PKHD1: variants seen among roughly 807,000 people sequenced by gnomAD.
PKHD1 encodes PKHD1 ciliary IPT domain containing fibrocystin/polyductin, also known as fibrocystin.
In PKHD1, 291 loss-of-function variants were observed where a neutral mutation model predicts 412.0. That is an observed-to-expected ratio of 0.71 (90% CI 0.64 to 0.78). The LOEUF is 0.78. Ranked by LOEUF, PKHD1 falls within the 30% of genes least tolerant of loss-of-function variation. The pLI is 0.00. For missense variants in PKHD1, 4,825 were observed against 4,950.7 expected, an observed-to-expected ratio of 0.97 and a Z score of 0.76; for synonymous variants, 1,777 against 1,821.5, an observed-to-expected ratio of 0.98 and a Z score of 0.62.
chr6:51,997,151 A>C (rs1797811024), intron 35 of PKHD1, among the ~76,000 whole-genome samples: 1 of 152,218 alleles, frequency 6.6e-6, no homozygotes, highest in Admixed American at 6.5e-5. Flanking sequence ...TGTGATACGA[A>C]TAGGAAAGCA....
At chr6:51,752,068 G>A (rs1298269924) in intron 57 of PKHD1, among the ~76,000 whole-genome samples, 1 of 152,134 alleles carries the variant, frequency 6.6e-6, no homozygotes, top group Non-Finnish European at 1.5e-5. Context: ...CCATGCTCCA[G>A]CTTGCCCTGT....
intron 52 of PKHD1, among the ~76,000 whole-genome samples, chr6:51,823,406 C>G (rs779245630): frequency 3.9e-5 from 6 of 152,072 alleles, no homozygotes; most frequent in East Asian, 1.9e-4. Context: ...GCTAATGGAC[C>G]ATGACAATGA....
chr6:52,086,106 A>ATTT (rs913681309), intron 1 of PKHD1, among the ~76,000 whole-genome samples: 6 of 146,108 alleles, frequency 4.1e-5, no homozygotes, highest in Admixed American at 6.8e-5. Context: ...ACACACACAA[A>ATTT]GTGTGTGTGT....
At chr6:51,944,714 G>A (rs1301410875) in intron 36 of PKHD1, among the ~76,000 whole-genome samples, 4 of 152,152 alleles carry the variant, frequency 2.6e-5, no homozygotes, top group Non-Finnish European at 5.9e-5. Context: ...CCCAAATGGT[G>A]TGGAGGGCCT....
chr6:52,005,634 G>A (rs755756341), intron 35 of PKHD1, among the ~76,000 whole-genome samples: 6 of 152,154 alleles, frequency 3.9e-5, no homozygotes, highest in Admixed American at 6.5e-5. Flanking sequence ...CCTACTCTGT[G>A]AGAGGGGAAG....
intron 59 of PKHD1, among the ~76,000 whole-genome samples, chr6:51,745,194 A>G (rs1204080649): frequency 1.3e-5 from 2 of 152,194 alleles, no homozygotes; most frequent in East Asian, 1.9e-4. Context: ...TATCAGCACA[A>G]AGATTCAGCT....
chr6:52,040,718 CA>C (rs1274123783), intron 27 of PKHD1, among the ~76,000 whole-genome samples: 3 of 152,116 alleles, frequency 2.0e-5, no homozygotes, highest in Non-Finnish European at 2.9e-5. Flanking sequence ...AAGATTTCCC[CA>C]GAATTCATTC....
rs146614657 is a variant in PKHD1 at position 51,659,338 on chromosome 6, C to A, written c.10788G>T (p.Arg3596Ser). ...CATGGCCAGGCATCTCGTGAATAAA[C>A]CTGATTTGGTTTTGGCCAATCTGTA... ...NFLQIGQNQI[R>S]FIHEMPGHEE... Residue 3596 changes from arginine (R) to serine (S), a missense_variant, in exon 61 of 67, where the codon AGG (arginine) becomes AGT (serine). Arg to Ser is a moderately radical substitution (Grantham distance 110, BLOSUM62 -1). Coordinates refer to ENST00000371117, the MANE Select transcript of PKHD1 (RefSeq NM_138694.4). The A allele has an allele frequency of 4.2e-5, 68 of 1,613,864 alleles. 1 individual carries two copies. The East Asian group carries it at 1.5e-3, about 36-fold the overall frequency.
rs1255399381 is a variant in PKHD1 at position 51,636,095 on chromosome 6, G to A, written c.11506+2754C>T. ...ACAGTGTCTCAGGAAGTTGAGAAGT[G>A]ATAAATGAGCTGGATTTGATAATAT... On this transcript the variant is annotated intron_variant, in intron 64 of 66. Transcript: ENST00000371117. Among the ~76,000 whole-genome samples the A allele has an allele frequency of 3.9e-5, 6 of 152,270 alleles. No homozygotes were observed. The South Asian group carries it at 1.2e-3, about 32-fold the overall frequency.
intron 55 of PKHD1, among the ~76,000 whole-genome samples, chr6:51,766,868 T>C (rs1483554558): frequency 2.0e-5 from 3 of 152,098 alleles, no homozygotes; most frequent in Admixed American, 2.0e-4. Flanking sequence ...GACCTTGTTA[T>C]ATTGTCAAAT....
intron 37 of PKHD1, among the ~76,000 whole-genome samples, chr6:51,918,920 A>C (rs894234323): frequency 6.6e-6 from 1 of 152,202 alleles, no homozygotes; most frequent in African/African-American, 2.4e-5. Flanking sequence ...TGTTGATCGC[A>C]TAAATATCTT....
rs550846181 is a variant in PKHD1, at chr6:51,976,963, A to C, written c.5752-16937T>G. The stretch of plus-strand genomic sequence containing the variant: ...ACTCCATAAAAAAAAAAAAAAAAAA[A>C]ACCTGAAAAAAGATGTTTCTCCATA... On this transcript the variant is annotated intron_variant, in intron 35 of 66. Transcript: ENST00000371117. Among the ~76,000 whole-genome samples the C allele has an allele frequency of 7.6e-3, 1,155 of 151,540 alleles. 17 individuals are homozygous for C. Among genetic ancestry groups the C allele is most frequent in the African/African-American group, 0.026 (1,075 of 41,224 alleles).
rs45503297 is a variant in PKHD1 at position 51,748,201 on chromosome 6, C to A, written c.9415G>T (p.Asp3139Tyr). ...GLHLYKESGL[D>Y]NCTRISGFLA... is the part of the protein sequence containing the mutation. ...AAGCCAGAGATTCTGGTACAGTTGT[C>A]AAGTCCACTTTCCTTATAGAGATGA... The change falls in exon 58 of 67, where the codon GAC becomes TAC. Residue 3139 changes from aspartate to tyrosine, a missense_variant. Transcript: ENST00000371117. The A allele has an allele frequency of 5.7e-3, 9,129 of 1,614,030 alleles. 21 individuals carry two copies. Among genetic ancestry groups the A allele is most frequent in the Non-Finnish European group, 6.7e-3 (7,938 of 1,179,952 alleles).
intron 43 of PKHD1, among the ~76,000 whole-genome samples, chr6:51,892,628 G>A (rs1219861817): frequency 6.6e-6 from 1 of 152,078 alleles, no homozygotes; most frequent in Non-Finnish European, 1.5e-5. Flanking sequence ...TCATTTTCCA[G>A]TATCCCATCT....
intron 35 of PKHD1, among the ~76,000 whole-genome samples, chr6:51,982,149 G>C (rs1369553673): frequency 3.5e-4 from 16 of 46,090 alleles, no homozygotes; most frequent in Middle Eastern, 6.0e-3. Flanking sequence ...AGTGAGGAGC[G>C]TCTCCGCCCG....
chr6:51,751,650 C>T (rs183833049), intron 57 of PKHD1, among the ~76,000 whole-genome samples: 4 of 152,104 alleles, frequency 2.6e-5, no homozygotes, highest in African/African-American at 4.8e-5. Context: ...TTTCCTTACT[C>T]TTCATTAATA....
chr6:52,055,969 T>G (rs151272099), intron 18 of PKHD1, among the ~76,000 whole-genome samples: 1 of 152,348 alleles, frequency 6.6e-6, no homozygotes, highest in South Asian at 2.1e-4. Context: ...ACAAGAAGAC[T>G]TTAGAGCAGG....
intron 37 of PKHD1, among the ~76,000 whole-genome samples, chr6:51,927,754 G>C (rs1785905696): frequency 6.6e-6 from 1 of 152,180 alleles, no homozygotes; most frequent in African/African-American, 2.4e-5. Context: ...AGCAGAGAAA[G>C]GGGTGATAAG....
chr6:51,762,697 T>C (rs1788240766), intron 55 of PKHD1, among the ~76,000 whole-genome samples: 1 of 151,510 alleles, frequency 6.6e-6, no homozygotes, highest in Non-Finnish European at 1.5e-5. Flanking sequence ...TGGTGAAAAT[T>C]CATGAAACAG....
Sources: allele counts gnomAD v4.1 joint callset (sites outside exome capture counted in the v4.1 genomes callset), GRCh38; gene constraint gnomAD v4.1.1; transcripts MANE v1.5; gene names NCBI Gene and HGNC (gene_info 2026-07-23, HGNC 2026-07-21).